SORCS3: variants seen among roughly 807,000 people sequenced by gnomAD.
SORCS3 encodes the protein VPS10 domain-containing receptor SorCS3.
SORCS3 carries 57 observed loss-of-function variants against 146.3 expected under a neutral mutation model. The observed-to-expected ratio is 0.39, with a 90% confidence interval of 0.31 to 0.49. The LOEUF (loss-of-function observed/expected upper bound fraction) is 0.49. Among genes scored for constraint, SORCS3 ranks in the 20% least tolerant of loss-of-function variants. SORCS3 has a pLI of 0.92. For missense variants in SORCS3, 1,341 were observed against 1,575.5 expected (o/e 0.85, Z 2.52); for synonymous variants, 653 against 618.5 (o/e 1.06, Z -0.83).
At chr10:104,773,603 G>C (rs917890326) in intron 1 of SORCS3, among the ~76,000 whole-genome samples, 2 of 152,240 alleles carry the variant, frequency 1.3e-5, no homozygotes, top group African/African-American at 4.8e-5. Flanking sequence ...CAGCAGGGTG[G>C]AGGAGGAGGA....
At chr10:104,723,103 C>G (rs1282332119) in intron 1 of SORCS3, among the ~76,000 whole-genome samples, 2 of 152,168 alleles carry the variant, frequency 1.3e-5, no homozygotes. Context: ...CCTGCTTTCT[C>G]TTGTGGGCAT....
At chr10:105,217,726 A>G in intron 19 of SORCS3, 2 of 443,864 alleles carry the variant, frequency 4.5e-6, no homozygotes, top group Non-Finnish European at 9.1e-6. Flanking sequence ...GTTGCTTGGC[A>G]CAAACCAAAA....
At chr10:105,202,420 A>AATCTT (rs933007426) in intron 16 of SORCS3, among the ~76,000 whole-genome samples, 9 of 152,130 alleles carry the variant, frequency 5.9e-5, no homozygotes, top group Middle Eastern at 6.8e-3. Context: ...ATTTCTTCCA[A>AATCTT]ATCTTAGTAT....
At chr10:105,027,199 C>T (rs1428276101) in intron 4 of SORCS3, among the ~76,000 whole-genome samples, 2 of 152,148 alleles carry the variant, frequency 1.3e-5, no homozygotes, top group East Asian at 1.9e-4. Context: ...GTCCACATCA[C>T]CTGCCCTTTC....
chr10:105,136,446 G>A (rs1433333705), intron 7 of SORCS3, among the ~76,000 whole-genome samples: 1 of 152,136 alleles, frequency 6.6e-6, no homozygotes, highest in South Asian at 2.1e-4. Flanking sequence ...AATTTTCAAC[G>A]TTCATTTTGG....
At chr10:104,940,966 C>T (rs1166749543) in intron 3 of SORCS3, among the ~76,000 whole-genome samples, 1 of 152,204 alleles carries the variant, frequency 6.6e-6, no homozygotes, top group East Asian at 1.9e-4. Context: ...CTGGAGGCAT[C>T]ATGCTACCTG....
In SORCS3 at chr10:105,151,532, T is replaced by G. The variant is rs574788393; in HGVS notation, c.1482+3736T>G. Among the ~76,000 whole-genome samples, 4 of 152,252 alleles carry G rather than the reference T, an allele frequency of 2.6e-5. No homozygotes were observed. In the South Asian group the frequency reaches 8.3e-4, roughly 32 times the overall value. ...GATGTCTTTAGGTAATTTTCAGATA[T>G]CAGGTAGCTTGGGCTGACCTTGCCC... is the stretch of plus-strand genomic sequence containing the variant. On this transcript the variant is annotated intron_variant, in intron 9 of 26. Coordinates refer to ENST00000369701, the MANE Select transcript of SORCS3 (RefSeq NM_014978.3).
intron 5 of SORCS3, among the ~76,000 whole-genome samples, chr10:105,058,853 A>G (rs946736316): frequency 1.3e-5 from 2 of 152,238 alleles, no homozygotes; most frequent in African/African-American, 4.8e-5. Context: ...ATAGAGTAGA[A>G]TAACTATACT....
intron 4 of SORCS3, among the ~76,000 whole-genome samples, chr10:104,997,010 G>T (rs937182428): frequency 1.3e-5 from 2 of 152,122 alleles, no homozygotes; most frequent in Admixed American, 1.3e-4. Context: ...ATTTGCACAT[G>T]GAGAGGATAT....
At chr10:104,790,654 C>G (rs2017486309) in intron 1 of SORCS3, among the ~76,000 whole-genome samples, 1 of 151,940 alleles carries the variant, frequency 6.6e-6, no homozygotes, top group East Asian at 1.9e-4. Flanking sequence ...TTTTTTTTCC[C>G]CCTAAAAATG....
intron 1 of SORCS3, among the ~76,000 whole-genome samples, chr10:104,643,056 T>G (rs1184660838): frequency 6.6e-6 from 1 of 152,138 alleles, no homozygotes; most frequent in Admixed American, 6.5e-5. Flanking sequence ...CCTCCCGCGG[T>G]CCCTACTAGA....
chr10:105,060,476 A>C (rs2055478370), intron 5 of SORCS3, among the ~76,000 whole-genome samples: 1 of 152,250 alleles, frequency 6.6e-6, no homozygotes, highest in Middle Eastern at 3.4e-3. Flanking sequence ...CATGCTCAGG[A>C]CTGGTCTTTA....
intron 1 of SORCS3, among the ~76,000 whole-genome samples, chr10:104,661,266 G>T (rs1008400004): frequency 6.6e-6 from 1 of 152,126 alleles, no homozygotes; most frequent in African/African-American, 2.4e-5. Context: ...TGGGAATGAG[G>T]ACGAGTCTTG....
rs201611324 is a variant in SORCS3, at chr10:105,022,313, T to C, written c.955-20742T>C. On this transcript the variant is annotated intron_variant, in intron 4 of 26. Transcript: ENST00000369701. Reference sequence around the variant, plus strand: ...TTTTCTTTTCTTTTTTTTTTTTTTTTCGAGACGGAGTTTCGTTCTTGTTGC... The same window carrying C: ...TTTTCTTTTCTTTTTTTTTTTTTTTCCGAGACGGAGTTTCGTTCTTGTTGC... Among the ~76,000 whole-genome samples the C allele has an allele frequency of 2.0e-3, 272 of 133,766 alleles. 1 individual carries two copies. The highest frequency in any genetic ancestry group is 3.3e-3 in the South Asian group (14 of 4,272). 87.8% of individuals were successfully genotyped at this position (133,766 alleles called of 152,430 possible).
chr10:104,957,550 A>G (rs1468676993), intron 3 of SORCS3, among the ~76,000 whole-genome samples: 1 of 135,682 alleles, frequency 7.4e-6, no homozygotes, highest in Non-Finnish European at 1.6e-5. Context: ...CAATAAGGAA[A>G]GAAAACACAC....
At chr10:104,852,092 T>G (rs796273562) in intron 2 of SORCS3, among the ~76,000 whole-genome samples, 15 of 152,322 alleles carry the variant, frequency 9.8e-5, no homozygotes, top group African/African-American at 3.6e-4. Flanking sequence ...TGTAAAAGAT[T>G]CCCCCCTTCA....
intron 5 of SORCS3, among the ~76,000 whole-genome samples, chr10:105,078,428 A>G (rs1170516512): frequency 6.6e-6 from 1 of 152,170 alleles, no homozygotes; most frequent in Non-Finnish European, 1.5e-5. Flanking sequence ...GAGATAGACT[A>G]TGCTTGAATC....
chr10:104,783,848 G>GATTTTTT (rs2017402353), intron 1 of SORCS3, among the ~76,000 whole-genome samples: 1 of 152,192 alleles, frequency 6.6e-6, no homozygotes, highest in Non-Finnish European at 1.5e-5. Flanking sequence ...CCTTCCTCAG[G>GATTTTTT]ATGTGTTTGC....
intron 20 of SORCS3, among the ~76,000 whole-genome samples, 198 bp from the exon 21 acceptor site, chr10:105,245,344 T>A (rs2056859554): frequency 6.6e-6 from 1 of 152,162 alleles, no homozygotes; most frequent in South Asian, 2.1e-4. Context: ...AATTTAATAA[T>A]TTATAATGTG....
Sources: allele counts gnomAD v4.1 joint callset (sites outside exome capture counted in the v4.1 genomes callset), GRCh38; gene constraint gnomAD v4.1.1; transcripts MANE v1.5; gene names NCBI Gene and HGNC (gene_info 2026-07-23, HGNC 2026-07-21).